The following IKZF2 variants were observed in gnomAD, a reference collection of about 807,000 sequenced individuals.
IKZF2 encodes the protein IKAROS family zinc finger 2, also known as zinc finger protein Helios.
A neutral mutation model predicts 49.2 loss-of-function variants in IKZF2; 15 were observed. That is an observed-to-expected ratio of 0.30 (90% CI 0.20 to 0.47). The LOEUF (loss-of-function observed/expected upper bound fraction) is 0.47, where lower values mean the gene tolerates loss of function less well. Ranked by LOEUF, IKZF2 falls within the 20% of genes least tolerant of loss-of-function variation. The pLI is 1.00. For missense variants in IKZF2, 567 were observed against 664.6 expected (o/e 0.85, Z 1.61); for synonymous variants, 227 against 221.4 (o/e 1.03, Z -0.23).
intron 4 of IKZF2, among the ~76,000 whole-genome samples, chr2:213,115,667 A>C (rs566862435): frequency 3.5e-4 from 53 of 152,230 alleles, no homozygotes; most frequent in Non-Finnish European, 2.9e-4. Flanking sequence ...AAGGCAATGC[A>C]TGACTCAAAC....
At chr2:213,134,394 G>A (rs1366858915) in intron 4 of IKZF2, among the ~76,000 whole-genome samples, 5 of 152,148 alleles carry the variant, frequency 3.3e-5, no homozygotes, top group East Asian at 1.9e-4. Flanking sequence ...AAAGTTTACC[G>A]CATCCACGAT....
chr2:213,077,678 C>T (rs1438381073), intron 4 of IKZF2, among the ~76,000 whole-genome samples: 4 of 150,664 alleles, frequency 2.7e-5, no homozygotes, highest in Non-Finnish European at 4.4e-5. Flanking sequence ...AGCTCCACCT[C>T]CCAGGTTCAC....
intron 7 of IKZF2, 186 bp from the exon 8 acceptor site, chr2:213,014,120 G>A: frequency 2.2e-6 from 1 of 457,940 alleles, no homozygotes; most frequent in East Asian, 3.3e-5. Context: ...TACACCAGAG[G>A]ATTTGTTTTT....
chr2:213,107,611 T>G (rs190655056), intron 4 of IKZF2, among the ~76,000 whole-genome samples: 2 of 152,320 alleles, frequency 1.3e-5, no homozygotes, highest in African/African-American at 4.8e-5. Context: ...GTAACTACCT[T>G]CATGTATTAG....
In IKZF2 at chr2:213,019,317, C is replaced by A. The variant is rs192847832; in HGVS notation, c.712+2676G>T. Among the ~76,000 whole-genome samples, 469 of 152,118 alleles carry A rather than the reference C, an allele frequency of 3.1e-3. 4 individuals are homozygous for A. The highest frequency in any genetic ancestry group is 4.9e-3 in the Non-Finnish European group (331 of 67,960). On this transcript the variant is annotated intron_variant, in intron 7 of 8. Coordinates refer to ENST00000434687, the MANE Select transcript of IKZF2 (RefSeq NM_001387220.1). ...TCATATCTACCACAAAAAAGGAAAA[C>A]AAATAAATAACATACAGCAAGAGAA...
intron 4 of IKZF2, among the ~76,000 whole-genome samples, chr2:213,073,293 A>G (rs537448265): frequency 6.6e-6 from 1 of 152,300 alleles, no homozygotes; most frequent in African/African-American, 2.4e-5. Flanking sequence ...CCTAGGTTCT[A>G]CTGCTGGTTA....
intron 6 of IKZF2, among the ~76,000 whole-genome samples, chr2:213,046,170 G>A (rs73087362): frequency 0.038 from 5,767 of 152,140 alleles, 361 homozygotes; most frequent in African/African-American, 0.13. Context: ...CATAGGACTC[G>A]GAATGACAAT....
At chr2:213,117,360 G>A (rs550170518) in intron 4 of IKZF2, among the ~76,000 whole-genome samples, 1 of 152,332 alleles carries the variant, frequency 6.6e-6, no homozygotes, top group South Asian at 2.1e-4. Context: ...AGCCTTATGA[G>A]AGAGATGTTC....
intron 4 of IKZF2, among the ~76,000 whole-genome samples, chr2:213,083,425 T>C (rs1481322180): frequency 1.4e-5 from 2 of 143,720 alleles, no homozygotes; most frequent in Admixed American, 6.9e-5. Context: ...AGTTTCGCTC[T>C]TGTTGCCCAG....
intron 4 of IKZF2, among the ~76,000 whole-genome samples, chr2:213,089,910 C>T (rs1209007505): frequency 2.0e-5 from 3 of 152,078 alleles, no homozygotes; most frequent in African/African-American, 2.4e-5. Flanking sequence ...AAGATTATGA[C>T]CAGAAATTGA....
intron 4 of IKZF2, among the ~76,000 whole-genome samples, chr2:213,145,130 G>A (rs7572862): frequency 0.27 from 40,888 of 150,052 alleles, 6,707 homozygotes; most frequent in Non-Finnish European, 0.37. Context: ...GAGCTCTCAT[G>A]CCTTATTGAT....
At chr2:213,128,958 AGGTTTTTTAATC>A (rs1305885892) in intron 4 of IKZF2, among the ~76,000 whole-genome samples, 1 of 151,756 alleles carries the variant, frequency 6.6e-6, no homozygotes, top group Non-Finnish European at 1.5e-5. Context: ...GGCCAAGATA[AGGTTTTTTAATC>A]GTTGTTGTAC....
chr2:213,121,863 T>C (rs2060068627), intron 4 of IKZF2, among the ~76,000 whole-genome samples: 3 of 152,212 alleles, frequency 2.0e-5, no homozygotes. Flanking sequence ...ATTTCTGAAG[T>C]GTCAACAGAT....
At chr2:213,127,252 T>C (rs1039773652) in intron 4 of IKZF2, among the ~76,000 whole-genome samples, 2 of 152,140 alleles carry the variant, frequency 1.3e-5, no homozygotes, top group Non-Finnish European at 2.9e-5. Flanking sequence ...TAGTGGCAGG[T>C]TGTGGAGAAG....
chr2:213,068,117 CAAAGT>C (rs1381834863), intron 4 of IKZF2, among the ~76,000 whole-genome samples: 5 of 151,984 alleles, frequency 3.3e-5, no homozygotes, highest in Admixed American at 6.6e-5. Context: ...CCATAGAAAG[CAAAGT>C]AGACAGACAT....
At chr2:213,130,598 AT>A (rs1322451577) in intron 4 of IKZF2, among the ~76,000 whole-genome samples, 1 of 152,224 alleles carries the variant, frequency 6.6e-6, no homozygotes, top group East Asian at 1.9e-4. Context: ...AAGGAAAAAA[AT>A]GTCAAACAGA....
intron 6 of IKZF2, among the ~76,000 whole-genome samples, chr2:213,025,981 T>C (rs977265233): frequency 6.6e-6 from 1 of 152,140 alleles, no homozygotes; most frequent in African/African-American, 2.4e-5. Context: ...CCTGGCATAA[T>C]AGACTTCAAA....
chr2:213,047,581 C>T (rs1011356549), intron 6 of IKZF2, among the ~76,000 whole-genome samples: 5 of 152,022 alleles, frequency 3.3e-5, no homozygotes, highest in Non-Finnish European at 5.9e-5. Flanking sequence ...AATGTTTTCT[C>T]CAGGTTTCAG....
intron 4 of IKZF2, among the ~76,000 whole-genome samples, chr2:213,135,062 T>C (rs1202282012): frequency 4.6e-5 from 7 of 152,192 alleles, no homozygotes; most frequent in Admixed American, 2.6e-4. Context: ...CATACCAGAA[T>C]TGTCTTGCTA....
Sources: allele counts gnomAD v4.1 joint callset (sites outside exome capture counted in the v4.1 genomes callset), GRCh38; gene constraint gnomAD v4.1.1; transcripts MANE v1.5; gene names NCBI Gene and HGNC (gene_info 2026-07-23, HGNC 2026-07-21).